Variants in ATAD3B observed in about 807,000 individuals in gnomAD.
ATAD3B encodes ATPase family AAA domain containing 3B, also known as ATPase family AAA domain-containing protein 3B.
A neutral mutation model predicts 70.2 loss-of-function variants in ATAD3B; 59 were observed. The observed-to-expected ratio is 0.84, with a 90% CI of 0.68 to 1.04. ATAD3B has a LOEUF of 1.04. Among genes scored for constraint, ATAD3B ranks in the 50% least tolerant of loss-of-function variants. ATAD3B has a pLI of 0.00. For synonymous variants in ATAD3B, 423 were observed against 388.6 expected, an observed-to-expected ratio of 1.09 and a Z score of -1.04; for missense variants, 961 against 913.4, an observed-to-expected ratio of 1.05 and a Z score of -0.67.
chr1:1,485,902 T>C, intron 9 of ATAD3B, 64 bp downstream of exon 9: 1 of 1,610,782 alleles, frequency 6.2e-7, no homozygotes, highest in Middle Eastern at 1.9e-4. Flanking sequence ...GGCTGGGCTG[T>C]GGCCCTTGCT....
At chr1:1,480,512 T>C (rs1639854762) in intron 4 of ATAD3B, among the ~76,000 whole-genome samples, 1 of 147,596 alleles carries the variant, frequency 6.8e-6, no homozygotes, top group Non-Finnish European at 1.5e-5. Flanking sequence ...ACATGTTGCC[T>C]GTTGTGGGCA....
the ATAD3B span, among the ~76,000 whole-genome samples, chr1:1,506,062 G>C: frequency 6.6e-6 from 1 of 151,968 alleles, no homozygotes; most frequent in Non-Finnish European, 1.5e-5. Context: ...GTGAAACGCT[G>C]TCTCTACTAA....
rs765616769 is a variant in ATAD3B at position 1,482,616 on chromosome 1, T to A, written c.750+2T>A. 7 of 1,613,194 alleles carry A rather than the reference T, an allele frequency of 4.3e-6. No homozygotes were observed. Among genetic ancestry groups the A allele is most frequent in the Non-Finnish European group, 5.9e-6 (7 of 1,179,584 alleles). Reference sequence around the variant, plus strand: ...GACCGGGACAAAGTGACAGCCACGGTAAACATATTCATAAAACAGGGCTGG... The same window carrying A: ...GACCGGGACAAAGTGACAGCCACGGAAAACATATTCATAAAACAGGGCTGG... On this transcript the variant is annotated splice_donor_variant, in intron 7 of 15. Coordinates refer to ENST00000673477, the MANE Select transcript of ATAD3B (RefSeq NM_031921.6). LOFTEE classifies it high-confidence loss of function.
chr1:1,477,043 C>CTCACTCTG (rs1479747842), intron 1 of ATAD3B, among the ~76,000 whole-genome samples: 1 of 151,822 alleles, frequency 6.6e-6, no homozygotes, highest in Non-Finnish European at 1.5e-5. Flanking sequence ...TTTCTTAAGT[C>CTCACTCTG]TCACTCTGTC....
rs1180285271 is a variant in ATAD3B, at chr1:1,486,781, T to G, written c.1214+113T>G. The stretch of plus-strand genomic sequence containing the variant: ...ACCCTGTCTTTCTGCAGCTCTGTCC[T>G]TGTGGCCACGCAGGAGGCCCAATGG... On this transcript the variant is annotated intron_variant, in intron 11 of 15. Transcript: ENST00000673477. 8.1e-6 allele frequency: 12 copies of G among 1,483,576 alleles called. No homozygotes were observed. In the East Asian group the frequency reaches 2.9e-4, roughly 36 times the overall value. The allele number at this position is 1,483,576 out of a possible 1,614,324, so 91.9% of individuals were successfully genotyped here. A position where few individuals can be genotyped will look rare whatever the true frequency, so the allele number is the denominator to read the frequency against.
intron 15 of ATAD3B, among the ~76,000 whole-genome samples, chr1:1,494,000 T>G (rs950783275): frequency 3.3e-5 from 5 of 152,002 alleles, no homozygotes; most frequent in Non-Finnish European, 7.4e-5. Flanking sequence ...TTCTTCTTAA[T>G]GTTTTGTGAA....
chr1:1,496,262 C>T lies in ATAD3B; in HGVS notation c.*445C>T. 1.0e-6 allele frequency: 1 copy of T among 991,526 alleles called. No homozygotes were observed. Among genetic ancestry groups the T allele is most frequent in the South Asian group, 4.7e-5 (1 of 21,498 alleles). 61.4% of individuals were successfully genotyped at this position (991,526 alleles called of 1,614,324 possible). On this transcript the variant is annotated 3_prime_UTR_variant, in exon 16 of 16. Coordinates refer to ENST00000673477, the MANE Select transcript of ATAD3B (RefSeq NM_031921.6). ...GGTTTCAGGGGCGCCCTAGCGTCCT[C>T]CTGGGGTCAAAGGTGACATAAGAGG...
rs1640469175 is a variant in ATAD3B at position 1,490,332 on chromosome 1, C to A, written c.1413C>A (p.Val471=). The A allele has an allele frequency of 1.9e-5, 30 of 1,613,296 alleles. No homozygotes were observed. The Admixed American group carries it at 4.2e-4, about 22-fold the overall frequency. The change falls in exon 14 of 16, where the codon GTC becomes GTA. Residue 471 remains valine (V), a synonymous_variant. Transcript: ENST00000673477. ...TCAACAGCCGCATTGACGTGATGGT[C>A]CACTTCGACCTGCCGCAGCAGGAGG... is the stretch of plus-strand genomic sequence containing the variant. The part of the protein sequence containing the change: ...CAINSRIDVM[V]HFDLPQQEER...
downstream of ATAD3B, among the ~76,000 whole-genome samples, chr1:1,502,662 C>T (rs1029467073): frequency 6.6e-6 from 1 of 151,256 alleles, no homozygotes; most frequent in South Asian, 2.1e-4. Flanking sequence ...CAGGCACAGG[C>T]CGACATGCCC....
chr1:1,479,322 A>C (rs1639770638), intron 4 of ATAD3B, among the ~76,000 whole-genome samples: 1 of 147,630 alleles, frequency 6.8e-6, no homozygotes, highest in African/African-American at 2.5e-5. Flanking sequence ...AGACACAGGC[A>C]CCTGCCCACA....
At position 1,485,134 on chromosome 1, in the gene ATAD3B, G is replaced by C; in HGVS notation, c.869G>C (p.Arg290Pro). The change falls in exon 8 of 16, where the codon CGC becomes CCC. Residue 290 changes from arginine to proline, a missense_variant. Coordinates refer to ENST00000673477, the MANE Select transcript of ATAD3B (RefSeq NM_031921.6). Reference protein sequence around the residue: ...GKPSLVRETSRITVLEALRHP... With the variant: ...GKPSLVRETSPITVLEALRHP... ...CCGTCCCTAGTGAGGGAGACGTCCC[G>C]CATCACGGTGCTGGAGGCGCTGCGG... The C allele has an allele frequency of 6.2e-7, 1 of 1,610,410 alleles. No homozygotes were observed. The highest frequency in any genetic ancestry group is 1.1e-5 in the South Asian group (1 of 90,808).
At chr1:1,488,290 C>CT in intron 12 of ATAD3B, among the ~76,000 whole-genome samples, 1 of 151,916 alleles carries the variant, frequency 6.6e-6, no homozygotes, top group East Asian at 1.9e-4. Context: ...GTGTCTGTCG[C>CT]CCAGGCTGGA....
rs964253383 is a variant in ATAD3B, at chr1:1,471,774, G to A, written c.-111G>A. On this transcript the variant is annotated 5_prime_UTR_variant, in exon 1 of 16. Coordinates refer to ENST00000673477, the MANE Select transcript of ATAD3B (RefSeq NM_031921.6). ...GGAGGAAGGGGTGTGTGTTTCGCCTGCGCAGTGGTCCTGGCCACCGGCTCG... is the reference window on the plus strand; with the variant it reads ...GGAGGAAGGGGTGTGTGTTTCGCCTACGCAGTGGTCCTGGCCACCGGCTCG... 3.3e-6 allele frequency: 4 copies of A among 1,208,750 alleles called. No homozygotes were observed. Among genetic ancestry groups the A allele is most frequent in the East Asian group, 3.4e-5 (1 of 29,506 alleles). 74.9% of individuals were successfully genotyped at this position (1,208,750 alleles called of 1,614,324 possible). A position where few individuals can be genotyped will look rare whatever the true frequency, so the allele number is the denominator to read the frequency against.
intron 1 of ATAD3B, among the ~76,000 whole-genome samples, chr1:1,476,091 AC>A (rs1639573751): frequency 7.1e-6 from 1 of 140,150 alleles, no homozygotes; most frequent in Non-Finnish European, 1.5e-5. Flanking sequence ...TAGCAGCCAA[AC>A]CCGTTGACCT....
chr1:1,478,489 C>G, intron 2 of ATAD3B, 155 bp from the exon 3 acceptor site: 1 of 1,548,814 alleles, frequency 6.5e-7, no homozygotes, highest in Non-Finnish European at 8.7e-7. Context: ...AGGGCCTGAT[C>G]CTGGGTGCAG....
intron 2 of ATAD3B, chr1:1,477,924 T>A: frequency 6.3e-6 from 1 of 159,568 alleles, no homozygotes; most frequent in South Asian, 1.8e-4. Flanking sequence ...GGCTGGTCTC[T>A]AACTCCCGAC....
chr1:1,488,108 C>T (rs1044344776), intron 12 of ATAD3B, among the ~76,000 whole-genome samples, 194 bp downstream of exon 12: 1 of 151,916 alleles, frequency 6.6e-6, no homozygotes, highest in African/African-American at 2.4e-5. Context: ...GTGTTTGCCA[C>T]CACACCTAGT....
At chr1:1,472,236 C>T in intron 1 of ATAD3B, 147 bp downstream of exon 1, 3 of 1,395,004 alleles carry the variant, frequency 2.2e-6, no homozygotes, top group Non-Finnish European at 2.8e-6. Flanking sequence ...CCGGAGCCGT[C>T]TCGCGTGCCG....
downstream of ATAD3B, among the ~76,000 whole-genome samples, chr1:1,500,788 C>A (rs1328538448): frequency 1.3e-5 from 2 of 150,514 alleles, no homozygotes; most frequent in Non-Finnish European, 3.0e-5. Flanking sequence ...CCCGTCTCTA[C>A]TAAAAATACA....
Sources: allele counts gnomAD v4.1 joint callset (sites outside exome capture counted in the v4.1 genomes callset), GRCh38; gene constraint gnomAD v4.1.1; transcripts MANE v1.5; gene names NCBI Gene and HGNC (gene_info 2026-07-23, HGNC 2026-07-21).